Variants in UNC5D observed in about 807,000 individuals in gnomAD.
The protein encoded by UNC5D is netrin receptor UNC5D.
A neutral mutation model predicts 105.4 loss-of-function variants in UNC5D; 39 were observed. The ratio of observed to expected loss-of-function variants is 0.37; its 90% CI spans 0.29 to 0.48. The LOEUF is 0.48. Among genes scored for constraint, UNC5D ranks in the 20% least tolerant of loss-of-function variants. The pLI is 0.98. For missense variants in UNC5D, 991 were observed against 1,202.4 expected (o/e 0.82, Z 2.60); for synonymous variants, 452 against 450.4 (o/e 1.00, Z -0.04).
intron 2 of UNC5D, among the ~76,000 whole-genome samples, chr8:35,564,358 T>G (rs1332228770): frequency 6.6e-6 from 1 of 152,174 alleles, no homozygotes. Context: ...TTAATAGGTC[T>G]CCCTGTTCTG....
chr8:35,277,642 G>A (rs1315648397), intron 1 of UNC5D, among the ~76,000 whole-genome samples: 2 of 152,102 alleles, frequency 1.3e-5, no homozygotes, highest in African/African-American at 4.8e-5. Context: ...CTCTCATTAT[G>A]TGAGCTGGGC....
chr8:35,378,221 C>T (rs1401888518), intron 1 of UNC5D, among the ~76,000 whole-genome samples: 1 of 152,124 alleles, frequency 6.6e-6, no homozygotes, highest in East Asian at 1.9e-4. Context: ...TTTTCAATAC[C>T]TCTCCTTTCT....
At chr8:35,461,001 A>G (rs1343984595) in intron 1 of UNC5D, among the ~76,000 whole-genome samples, 1 of 152,178 alleles carries the variant, frequency 6.6e-6, no homozygotes, top group Non-Finnish European at 1.5e-5. Context: ...TTGTTATTTC[A>G]TGTTTGCATT....
chr8:35,684,821 G>A (rs1449451553), intron 6 of UNC5D, 72 bp downstream of exon 6: 2 of 1,466,778 alleles, frequency 1.4e-6, no homozygotes, highest in Non-Finnish European at 1.8e-6. Context: ...AACAATCAAT[G>A]TTACCTTCTT....
chr8:35,249,103 AATATATATATT>A (rs1803498276), intron 1 of UNC5D, among the ~76,000 whole-genome samples: 1 of 126,586 alleles, frequency 7.9e-6, no homozygotes, highest in Non-Finnish European at 1.6e-5. Flanking sequence ...TATATAAAAA[AATATATATATT>A]ATATATATAA....
At chr8:35,789,895 AACACAC>A (rs56702865) in intron 16 of UNC5D, among the ~76,000 whole-genome samples, 1,596 of 142,764 alleles carry the variant, frequency 0.011, 27 homozygotes, top group African/African-American at 0.033. Flanking sequence ...TCAAGAAGAA[AACACAC>A]ACACACACAC....
intron 1 of UNC5D, chr8:35,544,311 G>C: frequency 7.0e-7 from 1 of 1,428,214 alleles, no homozygotes; most frequent in Non-Finnish European, 9.3e-7. Context: ...TTGGAGTGCT[G>C]GCTTTGTGTA....
chr8:35,362,532 G>T (rs1801911757), intron 1 of UNC5D, among the ~76,000 whole-genome samples: 1 of 152,112 alleles, frequency 6.6e-6, no homozygotes. Flanking sequence ...CAAATTACTG[G>T]ACCATTGTGA....
intron 4 of UNC5D, among the ~76,000 whole-genome samples, chr8:35,651,795 G>A (rs986241751): frequency 5.9e-5 from 9 of 152,064 alleles, no homozygotes; most frequent in African/African-American, 2.2e-4. Flanking sequence ...ATGCAATTTT[G>A]TATGTTTGAG....
rs79776445 is a variant in UNC5D at position 35,312,701 on chromosome 8, T to C, written c.103+76814T>C. Among the ~76,000 whole-genome samples, 173 of 152,296 alleles carry C rather than the reference T, an allele frequency of 1.1e-3. 5 individuals carry two copies. In the East Asian group the frequency reaches 0.024, roughly 21 times the overall value. ...AACCCCAGTGACACCAGCTGTCTTA[T>C]AAGGGCCGTCAGATCATAGCACAGA... On this transcript the variant is annotated intron_variant, in intron 1 of 16. Transcript: ENST00000404895.
intron 1 of UNC5D, among the ~76,000 whole-genome samples, chr8:35,508,411 G>C (rs1812472176): frequency 6.6e-6 from 1 of 152,182 alleles, no homozygotes; most frequent in Non-Finnish European, 1.5e-5. Context: ...CTTTATGAGA[G>C]ATCACTGGGA....
intron 1 of UNC5D, among the ~76,000 whole-genome samples, chr8:35,530,826 A>C (rs1481488390): frequency 6.9e-6 from 1 of 145,910 alleles, no homozygotes; most frequent in Non-Finnish European, 1.5e-5. Flanking sequence ...TTTCTAGTTT[A>C]TTTGCATAGA....
rs558479325 is a variant in UNC5D, at chr8:35,293,221, G to A, written c.103+57334G>A. 6.6e-5 allele frequency among the ~76,000 whole-genome samples: 10 copies of A among 152,146 alleles called. No homozygotes were observed. The East Asian group carries it at 1.9e-3, about 29-fold the overall frequency. ...GTAGAAGGGGAGGCAGGAGAGGCAG[G>A]CACATTTGATGTAGCTTTATGGGAA... On this transcript the variant is annotated intron_variant, in intron 1 of 16. Coordinates refer to ENST00000404895, the MANE Select transcript of UNC5D (RefSeq NM_080872.4).
chr8:35,537,663 T>G (rs1814934932), intron 1 of UNC5D, among the ~76,000 whole-genome samples: 1 of 151,748 alleles, frequency 6.6e-6, no homozygotes, highest in Admixed American at 6.6e-5. Flanking sequence ...CTGGAAAAGA[T>G]CTTGTCTCAA....
Position 35,387,725 on chromosome 8 carries a change from A to G in UNC5D, c.103+151838A>G, listed in dbSNP as rs188859547. On this transcript the variant is annotated intron_variant, in intron 1 of 16. Coordinates refer to ENST00000404895, the MANE Select transcript of UNC5D (RefSeq NM_080872.4). ...TCATGTGTAGGATTAGGAGGGTGTC[A>G]TGATCTTCATATCATCCATCTCAGT... Among the ~76,000 whole-genome samples the G allele has an allele frequency of 5.5e-3, 839 of 152,272 alleles. 5 individuals carry two copies. The highest frequency in any genetic ancestry group is 0.019 in the South Asian group (90 of 4,828).
intron 1 of UNC5D, among the ~76,000 whole-genome samples, chr8:35,318,262 G>A (rs1809452724): frequency 6.6e-6 from 1 of 152,102 alleles, no homozygotes; most frequent in South Asian, 2.1e-4. Context: ...ATATATAAGG[G>A]CAGTTGTCTT....
At chr8:35,481,915 G>C (rs1212641725) in intron 1 of UNC5D, among the ~76,000 whole-genome samples, 2 of 152,094 alleles carry the variant, frequency 1.3e-5, no homozygotes, top group Non-Finnish European at 2.9e-5. Flanking sequence ...ATCACTAACA[G>C]CCTGATGATT....
At chr8:35,380,424 G>A (rs557161925) in intron 1 of UNC5D, among the ~76,000 whole-genome samples, 1 of 152,146 alleles carries the variant, frequency 6.6e-6, no homozygotes, top group African/African-American at 2.4e-5. Context: ...AGTACATAGT[G>A]TGCACATGTA....
intron 7 of UNC5D, among the ~76,000 whole-genome samples, chr8:35,695,021 GAAATA>G (rs1826661901): frequency 6.6e-6 from 1 of 152,142 alleles, no homozygotes; most frequent in African/African-American, 2.4e-5. Flanking sequence ...AGTGTCTAAT[GAAATA>G]AAATGTACTT....
Sources: allele counts gnomAD v4.1 joint callset (sites outside exome capture counted in the v4.1 genomes callset), GRCh38; gene constraint gnomAD v4.1.1; transcripts MANE v1.5; gene names NCBI Gene and HGNC (gene_info 2026-07-23, HGNC 2026-07-21).